The following ME3 variants were observed in gnomAD, a reference collection of about 807,000 sequenced individuals.
ME3 encodes NADP-dependent malic enzyme, mitochondrial.
In ME3, 48 loss-of-function variants were observed where a neutral mutation model predicts 68.9. The observed-to-expected ratio is 0.70, with a 90% CI of 0.55 to 0.89. The LOEUF (loss-of-function observed/expected upper bound fraction) is 0.89. ME3 is among the 40% of genes least tolerant of loss of function. The probability of loss-of-function intolerance (pLI) is 0.00; values close to 1 mark genes in which losing one functional copy is unlikely to be tolerated. For missense variants in ME3, 675 were observed against 797.4 expected, an observed-to-expected ratio of 0.85 and a Z score of 1.85; for synonymous variants, 320 against 318.8, an observed-to-expected ratio of 1.00 and a Z score of -0.04.
At chr11:86,495,338 G>A (rs764457242) in intron 6 of ME3, among the ~76,000 whole-genome samples, 1 of 152,202 alleles carries the variant, frequency 6.6e-6, no homozygotes, top group Non-Finnish European at 1.5e-5. Context: ...TGGTGGATTT[G>A]TTACAAGTTA....
At chr11:86,517,416 C>T (rs1226842068) in intron 4 of ME3, among the ~76,000 whole-genome samples, 3 of 152,134 alleles carry the variant, frequency 2.0e-5, no homozygotes, top group African/African-American at 4.8e-5. Flanking sequence ...ATAAACTGTG[C>T]TTTAGGCATT....
chr11:86,650,570 G>A (rs568827388), intron 2 of ME3, among the ~76,000 whole-genome samples: 14 of 152,260 alleles, frequency 9.2e-5, no homozygotes, highest in Admixed American at 5.9e-4. Flanking sequence ...CTGACAAAGG[G>A]CTAATATCCA....
At chr11:86,502,481 A>G (rs977897873) in intron 5 of ME3, among the ~76,000 whole-genome samples, 4 of 152,250 alleles carry the variant, frequency 2.6e-5, no homozygotes, top group African/African-American at 9.6e-5. Context: ...GGGCAATGTG[A>G]TAGATCCAAC....
chr11:86,446,808 G>A (rs765505574), intron 12 of ME3: 15 of 601,856 alleles, frequency 2.5e-5, no homozygotes, highest in Non-Finnish European at 3.4e-5. Flanking sequence ...TTGGGTGCTG[G>A]TCAAAGCTCT....
At chr11:86,581,670 A>G (rs1314666186) in intron 2 of ME3, among the ~76,000 whole-genome samples, 1 of 152,076 alleles carries the variant, frequency 6.6e-6, no homozygotes, top group Non-Finnish European at 1.5e-5. Context: ...CCCCACATAC[A>G]TGTCTCAGAG....
chr11:86,547,354 A>G (rs1191876056), intron 4 of ME3, among the ~76,000 whole-genome samples: 1 of 152,084 alleles, frequency 6.6e-6, no homozygotes, highest in Non-Finnish European at 1.5e-5. Context: ...GCTGGAAACC[A>G]TCATTCTCAG....
At chr11:86,449,267 A>G (rs935382165) in intron 10 of ME3, among the ~76,000 whole-genome samples, 8 of 152,336 alleles carry the variant, frequency 5.3e-5, no homozygotes, top group African/African-American at 1.7e-4. Context: ...GTGTCTCTCA[A>G]CACGTGCTAG....
intron 4 of ME3, among the ~76,000 whole-genome samples, chr11:86,550,410 T>C (rs566462421): frequency 1.3e-5 from 2 of 152,072 alleles, no homozygotes; most frequent in Non-Finnish European, 2.9e-5. Flanking sequence ...AGGGGATGAT[T>C]GAGGGCAAGA....
chr11:86,587,973 C>G (rs1958838633), intron 2 of ME3, among the ~76,000 whole-genome samples: 1 of 152,222 alleles, frequency 6.6e-6, no homozygotes, highest in Non-Finnish European at 1.5e-5. Context: ...TACTCAACTT[C>G]TTAGAACCTC....
chr11:86,641,038 G>GC (rs1944638537), intron 2 of ME3, among the ~76,000 whole-genome samples: 1 of 23,852 alleles, frequency 4.2e-5, no homozygotes, highest in African/African-American at 9.9e-5. Flanking sequence ...AATTTCACTG[G>GC]GGGGGGGGGT....
chr11:86,631,914 GGA>G (rs1409014101), intron 2 of ME3, among the ~76,000 whole-genome samples: 1 of 152,070 alleles, frequency 6.6e-6, no homozygotes, highest in South Asian at 2.1e-4. Context: ...TGTATTTTTA[GGA>G]GAGAGAGGGT....
At chr11:86,627,689 A>C (rs1363315517) in intron 2 of ME3, among the ~76,000 whole-genome samples, 1 of 152,088 alleles carries the variant, frequency 6.6e-6, no homozygotes, top group African/African-American at 2.4e-5. Flanking sequence ...TCAACCTCAA[A>C]ATCATAACCC....
At chr11:86,652,378 A>C (rs1377147495) in intron 2 of ME3, among the ~76,000 whole-genome samples, 1 of 152,262 alleles carries the variant, frequency 6.6e-6, no homozygotes, top group Admixed American at 6.5e-5. Context: ...GAAGCCCATC[A>C]GACTAACAGC....
intron 2 of ME3, among the ~76,000 whole-genome samples, chr11:86,562,467 A>G (rs1052328806): frequency 2.0e-5 from 3 of 152,142 alleles, no homozygotes; most frequent in Non-Finnish European, 4.4e-5. Flanking sequence ...AAGCTGCCAA[A>G]CTTTTCTAAA....
chr11:86,492,375 T>C (rs1952057970), intron 6 of ME3, among the ~76,000 whole-genome samples: 1 of 152,194 alleles, frequency 6.6e-6, no homozygotes, highest in Admixed American at 6.5e-5. Flanking sequence ...TGGTTCTGCT[T>C]CCTCCAAATG....
chr11:86,566,793 T>C (rs750635133), intron 2 of ME3, among the ~76,000 whole-genome samples: 32 of 152,198 alleles, frequency 2.1e-4, no homozygotes, highest in Admixed American at 4.6e-4. Context: ...ATGATTTTCT[T>C]TGACTAGAGG....
chr11:86,599,765 C>G lies in ME3; in HGVS notation c.184-39942G>C, dbSNP rs546498892. Among the ~76,000 whole-genome samples the G allele has an allele frequency of 2.0e-4, 30 of 151,774 alleles. 1 individual carries two copies. The South Asian group carries it at 6.0e-3, about 30-fold the overall frequency. Reference sequence around the variant, plus strand: ...GACAGCGGATCTCTTGGCAGAAACTCTACAAGCCAGAAGAGAGTGGGGGCC... The same window carrying G: ...GACAGCGGATCTCTTGGCAGAAACTGTACAAGCCAGAAGAGAGTGGGGGCC... On this transcript the variant is annotated intron_variant, in intron 2 of 14. Transcript: ENST00000543262.
At chr11:86,481,481 C>G (rs1328924097) in intron 7 of ME3, among the ~76,000 whole-genome samples, 1 of 152,166 alleles carries the variant, frequency 6.6e-6, no homozygotes, top group African/African-American at 2.4e-5. Context: ...GTATTCTTGA[C>G]AAGTTTCCTT....
At chr11:86,555,671 T>C (rs1366221083) in intron 4 of ME3, among the ~76,000 whole-genome samples, 1 of 152,210 alleles carries the variant, frequency 6.6e-6, no homozygotes, top group African/African-American at 2.4e-5. Context: ...CTTGTAATAT[T>C]CAACCGAAAT....
Sources: gnomAD v4.1 joint callset for allele counts (sites outside exome capture counted in the v4.1 genomes callset) on GRCh38, gnomAD v4.1.1 for gene constraint, MANE v1.5 for transcripts, NCBI Gene and HGNC (gene_info 2026-07-23, HGNC 2026-07-21) for gene names.